The following TRABD2B variants were observed in gnomAD, a reference collection of about 807,000 sequenced individuals.
The protein encoded by TRABD2B is TraB domain containing 2B, also known as metalloprotease TIKI2.
Under a neutral mutation model 40.1 loss-of-function variants are expected in TRABD2B, and 14 were observed. That is an observed-to-expected ratio of 0.35 (90% CI 0.23 to 0.55). The LOEUF (loss-of-function observed/expected upper bound fraction) is 0.55. Among genes scored for constraint, TRABD2B ranks in the 20% least tolerant of loss-of-function variants. The pLI, the probability that TRABD2B is intolerant of heterozygous loss-of-function variation, is 0.90. For synonymous variants in TRABD2B, 263 were observed against 277.0 expected, an observed-to-expected ratio of 0.95 and a Z score of 0.50; for missense variants, 541 against 648.6, an observed-to-expected ratio of 0.83 and a Z score of 1.80.
At chr1:47,910,557 A>G (rs1342448713) in intron 2 of TRABD2B, among the ~76,000 whole-genome samples, 1 of 152,168 alleles carries the variant, frequency 6.6e-6, no homozygotes, top group Non-Finnish European at 1.5e-5. Context: ...TCAGTCACAG[A>G]GCCATGCAGT....
intron 2 of TRABD2B, among the ~76,000 whole-genome samples, chr1:47,865,691 T>C (rs552186926): frequency 1.3e-5 from 2 of 152,194 alleles, no homozygotes; most frequent in Admixed American, 1.3e-4. Context: ...AAATAAAGGG[T>C]TTAGACCTGC....
intron 2 of TRABD2B, among the ~76,000 whole-genome samples, chr1:47,901,784 T>C (rs936887806): frequency 6.6e-6 from 1 of 152,176 alleles, no homozygotes; most frequent in African/African-American, 2.4e-5. Context: ...CAGGGTCTAA[T>C]TAGGGAGACA....
intron 2 of TRABD2B, among the ~76,000 whole-genome samples, chr1:47,897,853 G>A (rs1644545746): frequency 6.6e-6 from 1 of 152,106 alleles, no homozygotes; most frequent in African/African-American, 2.4e-5. Flanking sequence ...TTTTTTAGAG[G>A]GTTGATTATT....
intron 2 of TRABD2B, among the ~76,000 whole-genome samples, chr1:47,950,798 T>G (rs1645331556): frequency 1.3e-5 from 2 of 152,232 alleles, no homozygotes; most frequent in Non-Finnish European, 2.9e-5. Context: ...CACCTCCCTA[T>G]GTGAACTTGG....
At chr1:47,945,209 G>C (rs1351518350) in intron 2 of TRABD2B, among the ~76,000 whole-genome samples, 1 of 152,192 alleles carries the variant, frequency 6.6e-6, no homozygotes, top group Non-Finnish European at 1.5e-5. Flanking sequence ...CAGGAAGGCA[G>C]GGAAGCAATG....
rs140716428 is a variant in TRABD2B at position 47,835,016 on chromosome 1, C to T, written c.667-33397G>A. On this transcript the variant is annotated intron_variant, in intron 2 of 6. Transcript: ENST00000606738. ...TTAATATGATCAAGGAACTAGGAAACCATGTCTGAAGAACTAAAGAAATGT... is the reference window on the plus strand; with the variant it reads ...TTAATATGATCAAGGAACTAGGAAATCATGTCTGAAGAACTAAAGAAATGT... Among the ~76,000 whole-genome samples, 1,046 of 152,174 alleles carry T rather than the reference C, an allele frequency of 6.9e-3. 7 individuals are homozygous for T. Among genetic ancestry groups the T allele is most frequent in the South Asian group, 0.026 (127 of 4,822 alleles).
intron 2 of TRABD2B, among the ~76,000 whole-genome samples, chr1:47,852,236 C>T (rs1006550262): frequency 3.3e-5 from 5 of 152,094 alleles, no homozygotes; most frequent in African/African-American, 7.2e-5. Context: ...CGAGGCCAGG[C>T]GGAGGTTTGG....
rs540851104 is a variant in TRABD2B, at chr1:47,996,033, G to C, written c.102+655C>G. 6.6e-6 allele frequency among the ~76,000 whole-genome samples: 1 copy of C among 152,346 alleles called. No homozygotes were observed. Among genetic ancestry groups the C allele is most frequent in the Admixed American group, 6.5e-5 (1 of 15,304 alleles). ...GTTCTTTGTTTTGGAAGGAATATTA[G>C]GAGAACCAGTAATTACTCGACCCCA... On this transcript the variant is annotated intron_variant, in intron 1 of 6. Coordinates refer to ENST00000606738, the MANE Select transcript of TRABD2B (RefSeq NM_001194986.2). The surrounding 1 kb of genome is among the most constrained non-coding windows in gnomAD (Gnocchi z 4.6).
intron 2 of TRABD2B, among the ~76,000 whole-genome samples, chr1:47,980,101 CT>C (rs1645819520): frequency 1.3e-5 from 2 of 152,200 alleles, no homozygotes; most frequent in African/African-American, 2.4e-5. Flanking sequence ...CATGTGACCC[CT>C]ATGTGCTTCT....
At chr1:47,934,104 T>C (rs1645074885) in intron 2 of TRABD2B, among the ~76,000 whole-genome samples, 2 of 152,262 alleles carry the variant, frequency 1.3e-5, no homozygotes, top group Admixed American at 1.3e-4. Context: ...CTTTAGTATG[T>C]TAATCTTTAC....
chr1:47,783,179 A>G (rs1644549403), intron 4 of TRABD2B, among the ~76,000 whole-genome samples: 1 of 152,052 alleles, frequency 6.6e-6, no homozygotes, highest in South Asian at 2.1e-4. Context: ...GATGGAGAGC[A>G]GAAAGGCAAT....
intron 6 of TRABD2B, among the ~76,000 whole-genome samples, chr1:47,770,272 C>G (rs562895695): frequency 6.6e-6 from 1 of 152,286 alleles, no homozygotes; most frequent in Admixed American, 6.5e-5. Context: ...TGTTGTGATG[C>G]CAGTCTGGGC....
At chr1:47,980,769 C>T (rs1340490639) in intron 2 of TRABD2B, among the ~76,000 whole-genome samples, 6 of 152,170 alleles carry the variant, frequency 3.9e-5, no homozygotes, top group Non-Finnish European at 7.4e-5. Context: ...TCTGAATGCC[C>T]ACCACAGACT....
chr1:47,834,837 T>C (rs1050210652), intron 2 of TRABD2B, among the ~76,000 whole-genome samples: 3 of 152,180 alleles, frequency 2.0e-5, no homozygotes, highest in Non-Finnish European at 4.4e-5. Flanking sequence ...ATTATATTCT[T>C]TTAAGTGTCA....
At chr1:47,931,405 A>G (rs1387868853) in intron 2 of TRABD2B, among the ~76,000 whole-genome samples, 1 of 151,358 alleles carries the variant, frequency 6.6e-6, no homozygotes, top group Non-Finnish European at 1.5e-5. Flanking sequence ...TGCTGAGAAG[A>G]CCTTTGGCAG....
chr1:47,821,217 C>T (rs1410247251), intron 2 of TRABD2B, among the ~76,000 whole-genome samples: 1 of 152,230 alleles, frequency 6.6e-6, no homozygotes, highest in Non-Finnish European at 1.5e-5. Context: ...GTGGCACCCA[C>T]CAGTGGCTGT....
chr1:47,863,372 T>TATATATATATATATA (rs1644003823), intron 2 of TRABD2B, among the ~76,000 whole-genome samples: 2 of 66,496 alleles, frequency 3.0e-5, no homozygotes, highest in Admixed American at 1.6e-4. Flanking sequence ...CTATATAATT[T>TATATATATATATATA]TATATATATA....
rs934665602 is a variant in TRABD2B, at chr1:47,896,697, C to T, written c.667-95078G>A. Reference sequence around the variant, plus strand: ...CCCTCTCTGAGGTACCTCTACCTCTCGGCCTGGGGAATACAGTCTAGATTC... The same window carrying T: ...CCCTCTCTGAGGTACCTCTACCTCTTGGCCTGGGGAATACAGTCTAGATTC... On this transcript the variant is annotated intron_variant, in intron 2 of 6. Transcript: ENST00000606738. 3.3e-5 allele frequency among the ~76,000 whole-genome samples: 5 copies of T among 152,184 alleles called. No homozygotes were observed. In the East Asian group the frequency reaches 7.7e-4, roughly 23 times the overall value.
intron 2 of TRABD2B, among the ~76,000 whole-genome samples, chr1:47,891,243 G>A (rs1644440960): frequency 6.6e-6 from 1 of 152,220 alleles, no homozygotes; most frequent in Admixed American, 6.5e-5. Flanking sequence ...GTCAAACAAA[G>A]TTCCAGCTGT....
Sources: allele counts gnomAD v4.1 joint callset (sites outside exome capture counted in the v4.1 genomes callset), GRCh38; gene constraint gnomAD v4.1.1; non-coding constraint Gnocchi (gnomAD v3.1); transcripts MANE v1.5; gene names NCBI Gene and HGNC (gene_info 2026-07-23, HGNC 2026-07-21).